PRKCG: variants seen among roughly 807,000 people sequenced by gnomAD.
PRKCG encodes protein kinase C gamma type.
A neutral mutation model predicts 82.0 loss-of-function variants in PRKCG; 28 were observed. The observed-to-expected ratio is 0.34, with a 90% CI of 0.25 to 0.47. The LOEUF (loss-of-function observed/expected upper bound fraction) is 0.47, where lower values mean the gene tolerates loss of function less well. PRKCG is among the 20% of genes least tolerant of loss of function. The pLI, the probability that PRKCG is intolerant of heterozygous loss-of-function variation, is 1.00. For synonymous variants in PRKCG, 383 were observed against 376.6 expected, an observed-to-expected ratio of 1.02 and a Z score of -0.20; for missense variants, 640 against 952.7, an observed-to-expected ratio of 0.67 and a Z score of 4.32.
At chr19:53,903,019 G>A in intron 14 of PRKCG, 54 bp from the exon 15 acceptor site, 2 of 1,408,050 alleles carry the variant, frequency 1.4e-6, no homozygotes, top group Non-Finnish European at 2.0e-6. Flanking sequence ...GGCCAGAGGG[G>A]TCCTAGGCTT....
In PRKCG at chr19:53,888,708, T is replaced by G. The variant is rs1458844113; in HGVS notation, c.286-930T>G. On this transcript the variant is annotated intron_variant, in intron 3 of 17. Transcript: ENST00000263431. ...ATTTAGGCCTCCTGGGTTCCTATTA[T>G]AACTGAGAGGTCATGTTCTCCATTC... Among the ~76,000 whole-genome samples the G allele has an allele frequency of 3.3e-5, 5 of 152,142 alleles. No homozygotes were observed. In the East Asian group the frequency reaches 9.6e-4, roughly 29 times the overall value.
chr19:53,893,442 A>ATTTC, intron 9 of PRKCG, 51 bp downstream of exon 9: 1 of 1,553,540 alleles, frequency 6.4e-7, no homozygotes, highest in Non-Finnish European at 8.9e-7. Flanking sequence ...TACTTCTCTG[A>ATTTC]TTTCTTATTC....
At position 53,889,575 on chromosome 19, in the gene PRKCG, G is replaced by A; in HGVS notation, c.286-63G>A. The A allele has an allele frequency of 2.4e-6, 3 of 1,243,620 alleles. No homozygotes were observed. Among genetic ancestry groups the A allele is most frequent in the Non-Finnish European group, 3.5e-6 (3 of 848,832 alleles). 77.0% of individuals were successfully genotyped at this position (1,243,620 alleles called of 1,614,324 possible). A position where few individuals can be genotyped will look rare whatever the true frequency, so the allele number is the denominator to read the frequency against. ...CAAGGCAGGAGGAAAAGATAAAAGG[G>A]CCCCTCCCCTGGGGTTTTAGGACCC... On this transcript the variant is annotated intron_variant, in intron 3 of 17. Coordinates refer to ENST00000263431, the MANE Select transcript of PRKCG (RefSeq NM_002739.5). The surrounding 1 kb of genome is among the most constrained non-coding windows in gnomAD (Gnocchi z 4.4).
rs1254313457 is a variant in PRKCG at position 53,893,161 on chromosome 19, G to A, written c.909+86G>A. 14 of 1,371,526 alleles carry A rather than the reference G, an allele frequency of 1.0e-5. 1 individual carries two copies. The highest frequency in any genetic ancestry group is 8.4e-5 in the South Asian group (7 of 83,220). The allele number at this position is 1,371,526 out of a possible 1,614,324, so 85.0% of individuals were successfully genotyped here. A position where few individuals can be genotyped will look rare whatever the true frequency, so the allele number is the denominator to read the frequency against. ...CCTTTCCTTCCACCCCTGAGTGCCC[G>A]CTGGTCCTGGGACTACAGTTCCCAG... On this transcript the variant is annotated intron_variant, in intron 8 of 17. Transcript: ENST00000263431.
At chr19:53,895,386 GC>G (rs1555807559) in intron 9 of PRKCG, among the ~76,000 whole-genome samples, 21 of 151,464 alleles carry the variant, frequency 1.4e-4, no homozygotes, top group Non-Finnish European at 7.4e-5. Context: ...TACTCGGAAG[GC>G]TGAGGCAGGA....
intron 8 of PRKCG, 109 bp downstream of exon 8, chr19:53,893,184 C>A: frequency 7.8e-7 from 1 of 1,276,602 alleles, no homozygotes. Flanking sequence ...CTACAGTTCC[C>A]AGAAGACCCT....
In PRKCG at chr19:53,887,971, T is replaced by G. The variant is rs1025097783; in HGVS notation, c.286-1667T>G. 2.0e-5 allele frequency among the ~76,000 whole-genome samples: 3 copies of G among 152,158 alleles called. 1 individual carries two copies. The highest frequency in any genetic ancestry group is 4.4e-5 in the Non-Finnish European group (3 of 68,040). ...AAGGGGCAGGCGTGGTGAGGCCACC[T>G]AGCTGGGTAGGGGATAGAGGCAAGA... On this transcript the variant is annotated intron_variant, in intron 3 of 17. Transcript: ENST00000263431.
At chr19:53,887,644 C>T (rs1436453401) in intron 3 of PRKCG, among the ~76,000 whole-genome samples, 2 of 148,694 alleles carry the variant, frequency 1.3e-5, no homozygotes, top group Non-Finnish European at 1.5e-5. Flanking sequence ...TCCTGGCTAA[C>T]GCGGTGAAAC....
chr19:53,893,417 G>A, intron 9 of PRKCG, 26 bp downstream of exon 9: 2 of 1,608,510 alleles, frequency 1.2e-6, no homozygotes, highest in Non-Finnish European at 1.7e-6. Context: ...GCGTTGAATG[G>A]AGGCAGTTTT....
At position 53,900,400 on chromosome 19, in the gene PRKCG, C is replaced by T; in HGVS notation, c.1374-19C>T. 6.2e-7 allele frequency: 1 copy of T among 1,614,146 alleles called. No homozygotes were observed. The highest frequency in any genetic ancestry group is 1.1e-5 in the South Asian group (1 of 91,084). On this transcript the variant is annotated intron_variant, in intron 12 of 17. Coordinates refer to ENST00000263431, the MANE Select transcript of PRKCG (RefSeq NM_002739.5). The surrounding 1 kb of genome is among the most constrained non-coding windows in gnomAD (Gnocchi z 4.2). ...CCAGCCACTGACCTTCTGACGTCCC[C>T]ACCCACCCCGTCCTCCAGGTTCTAC...
At chr19:53,891,276 T>A (rs2068673313) in intron 5 of PRKCG, among the ~76,000 whole-genome samples, 1 of 149,404 alleles carries the variant, frequency 6.7e-6, no homozygotes, top group Non-Finnish European at 1.5e-5. Flanking sequence ...GAGCTTGGAA[T>A]TCTTTTTTTT....
Position 53,893,343 on chromosome 19 carries a change from T to C in PRKCG, c.910-19T>C, listed in dbSNP as rs749941054. 15 of 1,612,006 alleles carry C rather than the reference T, an allele frequency of 9.3e-6. No homozygotes were observed. The highest frequency in any genetic ancestry group is 1.7e-5 in the Admixed American group (1 of 60,000). ...CCTGCATCTCTTGGGACCCTGACTC[T>C]CTCTTTCTTTTCTCCCAGGCTTGTA... On this transcript the variant is annotated intron_variant, in intron 8 of 17. Transcript: ENST00000263431.
In PRKCG at chr19:53,900,079, C is replaced by T. The variant is rs1180028343; in HGVS notation, c.1282-154C>T. Among the ~76,000 whole-genome samples the T allele has an allele frequency of 6.6e-6, 1 of 152,112 alleles. No homozygotes were observed. Among genetic ancestry groups the T allele is most frequent in the Non-Finnish European group, 1.5e-5 (1 of 68,024 alleles). ...GGAGATTCTGAGGTAGCAGGATTAG[C>T]ACCTTAGGGCCCTCCCAGGGATGTG... On this transcript the variant is annotated intron_variant, in intron 11 of 17. Coordinates refer to ENST00000263431, the MANE Select transcript of PRKCG (RefSeq NM_002739.5). The surrounding 1 kb of genome is among the most constrained non-coding windows in gnomAD (Gnocchi z 4.2).
chr19:53,893,469 C>G, intron 9 of PRKCG, 78 bp downstream of exon 9: 1 of 1,437,140 alleles, frequency 7.0e-7, no homozygotes, highest in East Asian at 2.3e-5. Context: ...TGACTTCTGT[C>G]TTCAATTCCC....
Position 53,907,181 on chromosome 19 carries a change from T to A in PRKCG, c.*286T>A. ...CAATCGGGTCCAGAGACCACACCAC[T>A]AACCATCCCCAACTCCATGGGGTTC... On this transcript the variant is annotated 3_prime_UTR_variant, in exon 18 of 18. Transcript: ENST00000263431. 1.8e-6 allele frequency: 1 copy of A among 564,174 alleles called. No individual in the cohort carries two copies. The highest frequency in any genetic ancestry group is 3.1e-6 in the Non-Finnish European group (1 of 324,804). The allele number at this position is 564,174 out of a possible 1,614,324, so 34.9% of individuals were successfully genotyped here.
Position 53,907,119 on chromosome 19 carries a change from G to T in PRKCG, c.*224G>T. 1 of 1,054,652 alleles carries T rather than the reference G, an allele frequency of 9.5e-7. No individual in the cohort carries two copies. The highest frequency in any genetic ancestry group is 1.6e-5 in the South Asian group (1 of 62,778). The allele number at this position is 1,054,652 out of a possible 1,614,324, so 65.3% of individuals were successfully genotyped here. A position where few individuals can be genotyped will look rare whatever the true frequency, so the allele number is the denominator to read the frequency against. On this transcript the variant is annotated 3_prime_UTR_variant, in exon 18 of 18. Transcript: ENST00000263431. The stretch of plus-strand genomic sequence containing the variant: ...CGCGTTCAAGACTTGAGCGGAGCCC[G>T]ATATTCTCCCTGACCTTAGCGTTCT...
rs910362190 is a variant in PRKCG, at chr19:53,907,308, T to G, written c.*413T>G. 5 of 281,436 alleles carry G rather than the reference T, an allele frequency of 1.8e-5. No homozygotes were observed. Among genetic ancestry groups the G allele is most frequent in the Non-Finnish European group, 3.5e-5 (5 of 143,788 alleles). 17.4% of individuals were successfully genotyped at this position (281,436 alleles called of 1,614,324 possible). ...CCAGACTCAGGTTCCAGAACAGCCC[T>G]CGGCCTCCGAGGCTCCCCGCCTCCA... On this transcript the variant is annotated 3_prime_UTR_variant, in exon 18 of 18. Coordinates refer to ENST00000263431, the MANE Select transcript of PRKCG (RefSeq NM_002739.5).
In PRKCG at chr19:53,904,690, CTG is replaced by C. The variant is rs2068788753; in HGVS notation, c.1714_1715del (p.Val572HisfsTer31). The C allele has an allele frequency of 6.2e-7, 1 of 1,613,754 alleles. No homozygotes were observed. Among genetic ancestry groups the C allele is most frequent in the African/African-American group, 1.3e-5 (1 of 74,796 alleles). On this transcript the variant is annotated frameshift_variant, in exon 16 of 18. Transcript: ENST00000263431. LOFTEE classifies it high-confidence loss of function. ...CTGTTTCAGGCCATCATGGAACAAACTGTCACCTACCCCAAGTCGCTTTCCCG... is the reference window on the plus strand; with the variant it reads ...CTGTTTCAGGCCATCATGGAACAAACTCACCTACCCCAAGTCGCTTTCCCG...
At position 53,892,774 on chromosome 19, in the gene PRKCG, ACACACACG is replaced by A. The variant is rs1179580756; in HGVS notation, c.821+139_821+146del. On this transcript the variant is annotated intron_variant, in intron 7 of 17. Transcript: ENST00000263431. This position sits in a 1 kb window ranked among gnomAD's most constrained non-coding sequence, Gnocchi z 5.9. ...TGCGCACACACACACACACACACACACACACACGCACACACACGCACACACCCCTCTCT... is the reference window on the plus strand; with the variant it reads ...TGCGCACACACACACACACACACACACACACACACGCACACACCCCTCTCT... 5.8e-6 allele frequency: 6 copies of A among 1,033,988 alleles called. No individual in the cohort carries two copies. The highest frequency in any genetic ancestry group is 1.7e-5 in the African/African-American group (1 of 57,628). 64.1% of individuals were successfully genotyped at this position (1,033,988 alleles called of 1,614,324 possible).
Sources: gnomAD v4.1 joint callset for allele counts (sites outside exome capture counted in the v4.1 genomes callset) on GRCh38, gnomAD v4.1.1 for gene constraint, Gnocchi (gnomAD v3.1) non-coding constraint, MANE v1.5 for transcripts, NCBI Gene and HGNC (gene_info 2026-07-23, HGNC 2026-07-21) for gene names.